Variants in RPS6KC1 observed in about 807,000 individuals in gnomAD.
RPS6KC1 encodes ribosomal protein S6 kinase C1, also known as inactive ribosomal protein S6 kinase delta-1.
Under a neutral mutation model 103.8 loss-of-function variants are expected in RPS6KC1, and 54 were observed. The ratio of observed to expected loss-of-function variants is 0.52; its 90% CI spans 0.42 to 0.65. The LOEUF (loss-of-function observed/expected upper bound fraction) is 0.65, where lower values mean the gene tolerates loss of function less well. Ranked by LOEUF, RPS6KC1 falls within the 30% of genes least tolerant of loss-of-function variation. The probability of loss-of-function intolerance (pLI) is 0.00; values close to 1 mark genes in which losing one functional copy is unlikely to be tolerated. For synonymous variants in RPS6KC1, 439 were observed against 438.7 expected (o/e 1.00, Z -0.01); for missense variants, 1,151 against 1,253.8 (o/e 0.92, Z 1.24).
chr1:213,509,861 A>G, the RPS6KC1 span, among the ~76,000 whole-genome samples: 8 of 152,140 alleles, frequency 5.3e-5, no homozygotes, highest in Non-Finnish European at 1.2e-4. Flanking sequence ...CTCTTTTATT[A>G]TGTCCATAGA....
the RPS6KC1 span, among the ~76,000 whole-genome samples, chr1:213,314,090 C>T: frequency 6.6e-6 from 1 of 152,076 alleles, no homozygotes. Flanking sequence ...CTTCCAGCTT[C>T]TGGGGGTGGC....
the RPS6KC1 span, among the ~76,000 whole-genome samples, chr1:213,442,070 A>C: frequency 6.6e-4 from 100 of 152,288 alleles, no homozygotes; most frequent in African/African-American, 2.0e-3. Context: ...TTAAGATGTA[A>C]TTTTGAATGT....
chr1:213,720,920 T>G, the RPS6KC1 span, among the ~76,000 whole-genome samples: 10 of 152,086 alleles, frequency 6.6e-5, no homozygotes, highest in Non-Finnish European at 1.0e-4. Flanking sequence ...AAAGTATACA[T>G]GTAAATGAGT....
At chr1:213,429,596 T>C in the RPS6KC1 span, among the ~76,000 whole-genome samples, 6 of 152,188 alleles carry the variant, frequency 3.9e-5, no homozygotes, top group African/African-American at 7.2e-5. Context: ...CCCACTCTCA[T>C]AGACCTTAGA....
chr1:213,482,965 T>G, the RPS6KC1 span, among the ~76,000 whole-genome samples: 1 of 152,208 alleles, frequency 6.6e-6, no homozygotes, highest in Non-Finnish European at 1.5e-5. Context: ...GTTGGAATGA[T>G]ATCTCTTTGT....
At chr1:213,368,125 A>G in the RPS6KC1 span, among the ~76,000 whole-genome samples, 1 of 152,240 alleles carries the variant, frequency 6.6e-6, no homozygotes, top group Non-Finnish European at 1.5e-5. Context: ...CTCCTCCTAC[A>G]TAATTCTCTC....
Position 213,051,527 on chromosome 1 carries a change from G to A in RPS6KC1, c.105+18G>A, listed in dbSNP as rs1216068397. Reference sequence around the variant, plus strand: ...CCGCCCGGGTGAGTGCCGGTGTCGGGCTGGGGTAGAGCTTGGATTGGGACC... The same window carrying A: ...CCGCCCGGGTGAGTGCCGGTGTCGGACTGGGGTAGAGCTTGGATTGGGACC... On this transcript the variant is annotated intron_variant, in intron 1 of 14. Transcript: ENST00000366960. 8 of 1,571,898 alleles carry A rather than the reference G, an allele frequency of 5.1e-6. No homozygotes were observed. Among genetic ancestry groups the A allele is most frequent in the Non-Finnish European group, 7.0e-6 (8 of 1,146,576 alleles).
chr1:213,547,908 C>T, the RPS6KC1 span, among the ~76,000 whole-genome samples: 1 of 152,134 alleles, frequency 6.6e-6, no homozygotes, highest in African/African-American at 2.4e-5. Context: ...TCAGATATTC[C>T]TTTATAGCAA....
the RPS6KC1 span, among the ~76,000 whole-genome samples, chr1:213,532,594 C>T: frequency 2.0e-5 from 3 of 152,208 alleles, no homozygotes; most frequent in Non-Finnish European, 4.4e-5. Context: ...CCCAGCTATG[C>T]TAACAGCAGA....
the RPS6KC1 span, chr1:213,546,571 A>C: frequency 6.6e-6 from 1 of 152,342 alleles, no homozygotes; most frequent in South Asian, 2.1e-4. Context: ...GCAATATGAA[A>C]GTTTATCCTA....
At chr1:213,759,212 G>A in the RPS6KC1 span, among the ~76,000 whole-genome samples, 8 of 144,436 alleles carry the variant, frequency 5.5e-5, no homozygotes, top group Admixed American at 5.7e-4. Context: ...AAGACTCAGA[G>A]GATCATTAGC....
chr1:213,229,326 A>G (rs527361555), intron 8 of RPS6KC1, among the ~76,000 whole-genome samples: 1 of 152,010 alleles, frequency 6.6e-6, no homozygotes, highest in African/African-American at 2.4e-5. Context: ...CAAGCTTAAC[A>G]TCTTTTTTTT....
At chr1:213,219,554 G>A (rs1475269599) in intron 8 of RPS6KC1, among the ~76,000 whole-genome samples, 2 of 152,248 alleles carry the variant, frequency 1.3e-5, no homozygotes, top group South Asian at 2.1e-4. Flanking sequence ...AAAGACACAT[G>A]CACACGTATG....
chr1:213,430,370 A>G, the RPS6KC1 span, among the ~76,000 whole-genome samples: 1 of 152,156 alleles, frequency 6.6e-6, no homozygotes, highest in East Asian at 1.9e-4. Flanking sequence ...TCAGGGTGCA[A>G]TTTCACGATT....
chr1:213,495,100 C>T, the RPS6KC1 span, among the ~76,000 whole-genome samples: 2 of 152,108 alleles, frequency 1.3e-5, no homozygotes, highest in East Asian at 1.9e-4. Flanking sequence ...GCTTCAAATA[C>T]ACAAGGTTTA....
chr1:213,593,153 G>A, the RPS6KC1 span, among the ~76,000 whole-genome samples: 2 of 152,090 alleles, frequency 1.3e-5, no homozygotes, highest in Admixed American at 6.6e-5. Context: ...GGGGCACAGC[G>A]AGGTGGAAGG....
At chr1:213,277,690 C>G (rs2095114817), downstream of RPS6KC1, among the ~76,000 whole-genome samples, 1 of 152,326 alleles carries the variant, frequency 6.6e-6, no homozygotes, top group East Asian at 1.9e-4. Flanking sequence ...ATCTCCATCT[C>G]CTTGCTAAAG....
At chr1:213,838,509 G>C in the RPS6KC1 span, among the ~76,000 whole-genome samples, 2 of 151,876 alleles carry the variant, frequency 1.3e-5, no homozygotes, top group Non-Finnish European at 1.5e-5. Context: ...AAATTACAAA[G>C]ACATTGGCTC....
the RPS6KC1 span, among the ~76,000 whole-genome samples, chr1:213,569,595 G>A: frequency 1.2e-3 from 175 of 151,824 alleles, 2 homozygotes; most frequent in African/African-American, 4.0e-3. Flanking sequence ...AATAGGAGTT[G>A]GTATTTGATA....
Sources: gnomAD v4.1 joint callset for allele counts (sites outside exome capture counted in the v4.1 genomes callset) on GRCh38, gnomAD v4.1.1 for gene constraint, MANE v1.5 for transcripts, NCBI Gene and HGNC (gene_info 2026-07-23, HGNC 2026-07-21) for gene names.